CAPN9: variants seen among roughly 807,000 people sequenced by gnomAD.
CAPN9 encodes the protein calpain-9.
Under a neutral mutation model 92.8 loss-of-function variants are expected in CAPN9, and 81 were observed. The observed-to-expected ratio is 0.87, with a 90% CI of 0.73 to 1.05. CAPN9 has a LOEUF of 1.05. Ranked by LOEUF, CAPN9 falls within the 50% of genes least tolerant of loss-of-function variation. The pLI is 0.00. For missense variants in CAPN9, 848 were observed against 866.2 expected (o/e 0.98, Z 0.26); for synonymous variants, 304 against 328.0 (o/e 0.93, Z 0.79).
chr1:230,790,016 C>T, intron 13 of CAPN9, 116 bp from the exon 14 acceptor site: 1 of 760,726 alleles, frequency 1.3e-6, no homozygotes, highest in Non-Finnish European at 2.2e-6. Flanking sequence ...ACAGCAGGGT[C>T]CTGAAGGCTG....
At chr1:230,774,462 C>T in intron 7 of CAPN9, 92 bp from the exon 8 acceptor site, 1 of 860,322 alleles carries the variant, frequency 1.2e-6, no homozygotes, top group South Asian at 1.4e-5. Context: ...GGTCTTATTT[C>T]CTCCATAACC....
At chr1:230,787,691 C>A in intron 13 of CAPN9, 89 bp downstream of exon 13, 1 of 1,085,218 alleles carries the variant, frequency 9.2e-7, no homozygotes, top group East Asian at 2.4e-5. Context: ...GGTTGGTCAG[C>A]AACGTCATCC....
intron 6 of CAPN9, among the ~76,000 whole-genome samples, chr1:230,771,716 A>G (rs1369671193): frequency 6.6e-6 from 1 of 152,214 alleles, no homozygotes; most frequent in African/African-American, 2.4e-5. Context: ...TTAGATTCAT[A>G]TGGACTAATT....
intron 13 of CAPN9, 42 bp from the exon 14 acceptor site, chr1:230,790,090 G>A (rs1212721466): frequency 1.3e-6 from 2 of 1,511,888 alleles, no homozygotes; most frequent in Admixed American, 1.7e-5. Flanking sequence ...TATAAAAGAA[G>A]GTGCCAAGGG....
chr1:230,798,448 G>T (rs1252509884), intron 19 of CAPN9, among the ~76,000 whole-genome samples: 1 of 152,140 alleles, frequency 6.6e-6, no homozygotes, highest in Non-Finnish European at 1.5e-5. Flanking sequence ...CATTTTGCAG[G>T]GTGGAAACTG....
chr1:230,769,665 C>G (rs996408187), intron 6 of CAPN9, among the ~76,000 whole-genome samples: 4 of 92,978 alleles, frequency 4.3e-5, no homozygotes, highest in African/African-American at 1.3e-4. Flanking sequence ...ATCTATCTAT[C>G]TATCTATCTA....
Position 230,790,188 on chromosome 1 carries a change from G to C in CAPN9, c.1656G>C (p.Lys552Asn). 1 of 1,614,146 alleles carries C rather than the reference G, an allele frequency of 6.2e-7. No individual in the cohort carries two copies. Among genetic ancestry groups the C allele is most frequent in the East Asian group, 2.2e-5 (1 of 44,876 alleles). ...LEYVLNAVLQ[K>N]KKDIKFKKLS... Reference sequence around the variant, plus strand: ...ATGTTTTAAATGCTGTGCTGCAAAAGAGTAAGTGCCAACCCCATCGGGGTC... The same window carrying C: ...ATGTTTTAAATGCTGTGCTGCAAAACAGTAAGTGCCAACCCCATCGGGGTC... The change falls in exon 14 of 20, where the codon AAG becomes AAC. Residue 552 changes from lysine to asparagine, a missense_variant and splice_region_variant. Coordinates refer to ENST00000271971, the MANE Select transcript of CAPN9 (RefSeq NM_006615.3).
intron 6 of CAPN9, among the ~76,000 whole-genome samples, chr1:230,770,338 C>A (rs1398042908): frequency 6.6e-6 from 1 of 152,186 alleles, no homozygotes; most frequent in African/African-American, 2.4e-5. Flanking sequence ...CTTCCTCTGC[C>A]TTTTTGTTCT....
At chr1:230,787,760 G>C (rs1667707076) in intron 13 of CAPN9, among the ~76,000 whole-genome samples, 158 bp downstream of exon 13, 1 of 152,208 alleles carries the variant, frequency 6.6e-6, no homozygotes, top group African/African-American at 2.4e-5. Flanking sequence ...AAGGCCCAAA[G>C]ACCACCCTGT....
chr1:230,750,416 CCTAT>C (rs1305468698), intron 1 of CAPN9, among the ~76,000 whole-genome samples: 1 of 152,164 alleles, frequency 6.6e-6, no homozygotes, highest in Non-Finnish European at 1.5e-5. Context: ...TTCTCGTACC[CCTAT>C]CTGTTTCTTA....
intron 3 of CAPN9, among the ~76,000 whole-genome samples, chr1:230,760,365 C>T (rs1370453312): frequency 2.0e-5 from 3 of 152,178 alleles, no homozygotes; most frequent in African/African-American, 7.2e-5. Context: ...TAAATGGCAT[C>T]ACACACAGGA....
chr1:230,782,264 A>T (rs1204140613), intron 11 of CAPN9, among the ~76,000 whole-genome samples: 4 of 152,248 alleles, frequency 2.6e-5, no homozygotes, highest in African/African-American at 9.6e-5. Context: ...TAGCTTGGTA[A>T]CAAAAATTCA....
At chr1:230,794,645 C>T (rs1668223441) in intron 17 of CAPN9, among the ~76,000 whole-genome samples, 1 of 152,176 alleles carries the variant, frequency 6.6e-6, no homozygotes, top group Non-Finnish European at 1.5e-5. Flanking sequence ...TGTCATTCTT[C>T]CCCCATCGTG....
chr1:230,749,268 G>T (rs1409384605), intron 1 of CAPN9, among the ~76,000 whole-genome samples: 2 of 152,234 alleles, frequency 1.3e-5, no homozygotes, highest in Non-Finnish European at 2.9e-5. Flanking sequence ...CACGGCACTG[G>T]CAGATCACGT....
chr1:230,774,473 G>C (rs189035484), intron 7 of CAPN9, 81 bp from the exon 8 acceptor site: 1 of 927,146 alleles, frequency 1.1e-6, no homozygotes, highest in African/African-American at 1.6e-5. Flanking sequence ...CTCCATAACC[G>C]CACACTGTGG....
At chr1:230,754,409 A>AT (rs2102834803) in intron 1 of CAPN9, among the ~76,000 whole-genome samples, 1 of 150,830 alleles carries the variant, frequency 6.6e-6, no homozygotes, top group East Asian at 1.9e-4. Flanking sequence ...AATATAGAAT[A>AT]ATATATATAT....
At chr1:230,767,455 T>C in intron 4 of CAPN9, 86 bp from the exon 5 acceptor site, 1 of 1,127,592 alleles carries the variant, frequency 8.9e-7, no homozygotes, top group Non-Finnish European at 1.3e-6. Flanking sequence ...TGCTTCAGGC[T>C]TAGTTAGAAA....
At position 230,780,552 on chromosome 1, in the gene CAPN9, C is replaced by T. The variant is rs777579811; in HGVS notation, c.1325C>T (p.Ser442Phe). 3.7e-6 allele frequency: 6 copies of T among 1,614,078 alleles called. No homozygotes were observed. The highest frequency in any genetic ancestry group is 4.2e-6 in the Non-Finnish European group (5 of 1,180,052). Residue 442 changes from serine (S) to phenylalanine (F), a missense_variant, in exon 11 of 20, where the codon TCT (serine) becomes TTT (phenylalanine). Coordinates refer to ENST00000271971, the MANE Select transcript of CAPN9 (RefSeq NM_006615.3). ...LNKDFFRYHASRARSKTFINL... is the reference protein window; with the variant it reads ...LNKDFFRYHAFRARSKTFINL... ...AAAGACTTCTTCAGATACCACGCTT[C>T]TCGGGCCAGAAGCAAGACGTTCATC...
chr1:230,800,566 G>C (rs1668670091), intron 19 of CAPN9, among the ~76,000 whole-genome samples: 1 of 152,108 alleles, frequency 6.6e-6, no homozygotes, highest in Admixed American at 6.5e-5. Flanking sequence ...GTCCACAGGT[G>C]TAGGGGCTGG....
Sources: gnomAD v4.1 joint callset for allele counts (sites outside exome capture counted in the v4.1 genomes callset) on GRCh38, gnomAD v4.1.1 for gene constraint, MANE v1.5 for transcripts, NCBI Gene and HGNC (gene_info 2026-07-23, HGNC 2026-07-21) for gene names.